PAIP2B: variants seen among roughly 807,000 people sequenced by gnomAD.
PAIP2B encodes poly(A) binding protein interacting protein 2B, also known as polyadenylate-binding protein-interacting protein 2B.
Under a neutral mutation model 17.0 loss-of-function variants are expected in PAIP2B, and 13 were observed. That is an observed-to-expected ratio of 0.76 (90% CI 0.50 to 1.22). PAIP2B has a LOEUF of 1.22. PAIP2B is among the 50% of genes most tolerant of loss of function. The probability of loss-of-function intolerance (pLI) is 0.00; values close to 1 mark genes in which losing one functional copy is unlikely to be tolerated. For missense variants in PAIP2B, 117 were observed against 144.5 expected (o/e 0.81, Z 0.98); for synonymous variants, 43 against 48.7 (o/e 0.88, Z 0.48).
At chr2:71,224,294 G>A (rs1320513019) in intron 1 of PAIP2B, among the ~76,000 whole-genome samples, 1 of 152,162 alleles carries the variant, frequency 6.6e-6, no homozygotes, top group Non-Finnish European at 1.5e-5. Context: ...CTACCAGGAT[G>A]AGTTGTTTTT....
rs1003500313 is a variant in PAIP2B at position 71,184,383 on chromosome 2, C to G, written c.*4096G>C. On this transcript the variant is annotated 3_prime_UTR_variant, in exon 4 of 4. Coordinates refer to ENST00000244221, the MANE Select transcript of PAIP2B (RefSeq NM_020459.1). ...ATCCAGCTATTCTATTGCCACGATG[C>G]CTCTAAAAACCAGACTGACTGGGAA... The G allele has an allele frequency of 1.3e-5, 2 of 152,110 alleles. No individual in the cohort carries two copies. Among genetic ancestry groups the G allele is most frequent in the African/African-American group, 2.4e-5 (1 of 41,420 alleles). The allele number at this position is 152,110 out of a possible 1,614,324, so 9.4% of individuals were successfully genotyped here.
chr2:71,188,720 C>T (rs1041628118), intron 3 of PAIP2B, among the ~76,000 whole-genome samples, 185 bp from the exon 4 acceptor site: 2 of 152,228 alleles, frequency 1.3e-5, no homozygotes, highest in Non-Finnish European at 2.9e-5. Context: ...CTCATCTTCT[C>T]CTTCCTTCTT....
chr2:71,202,715 T>A, intron 1 of PAIP2B, 115 bp from the exon 2 acceptor site: 2 of 898,690 alleles, frequency 2.2e-6, no homozygotes, highest in Non-Finnish European at 3.3e-6. Context: ...AGATTTTAAC[T>A]ATAGATAAAC....
At chr2:71,198,532 A>G (rs13023079) in intron 2 of PAIP2B, among the ~76,000 whole-genome samples, 10,084 of 151,772 alleles carry the variant, frequency 0.066, 372 homozygotes, top group African/African-American at 0.092. Context: ...TGATCCGCCC[A>G]CCTCGGCCTC....
At position 71,221,225 on chromosome 2, in the gene PAIP2B, T is replaced by C. The variant is rs78862989; in HGVS notation, c.-12+5703A>G. On this transcript the variant is annotated intron_variant, in intron 1 of 3. Coordinates refer to ENST00000244221, the MANE Select transcript of PAIP2B (RefSeq NM_020459.1). Reference sequence around the variant, plus strand: ...CATAGTTTTTCCTCTAGATGATTTTTAATTTTTGTTTTTATTTGTTCTTTG... The same window carrying C: ...CATAGTTTTTCCTCTAGATGATTTTCAATTTTTGTTTTTATTTGTTCTTTG... Among the ~76,000 whole-genome samples, 644 of 152,376 alleles carry C rather than the reference T, an allele frequency of 4.2e-3. 2 individuals carry two copies. The highest frequency in any genetic ancestry group is 0.015 in the African/African-American group (613 of 41,592).
chr2:71,198,454 T>G (rs1284886733), intron 2 of PAIP2B, among the ~76,000 whole-genome samples: 2 of 151,438 alleles, frequency 1.3e-5, no homozygotes, highest in African/African-American at 2.4e-5. Flanking sequence ...CCCGGCTAAT[T>G]TTTTGTATTT....
At position 71,185,528 on chromosome 2, in the gene PAIP2B, A is replaced by G. The variant is rs1422349321; in HGVS notation, c.*2951T>C. On this transcript the variant is annotated 3_prime_UTR_variant, in exon 4 of 4. Transcript: ENST00000244221. Reference sequence around the variant, plus strand: ...TGCTGCAGTGAGCTATGGTCATACCACTGCACTCCAGCCTGGGTGACAGAG... The same window carrying G: ...TGCTGCAGTGAGCTATGGTCATACCGCTGCACTCCAGCCTGGGTGACAGAG... 1 of 150,886 alleles carries G rather than the reference A, an allele frequency of 6.6e-6. No homozygotes were observed. Among genetic ancestry groups the G allele is most frequent in the Non-Finnish European group, 1.5e-5 (1 of 67,880 alleles). The allele number at this position is 150,886 out of a possible 1,614,324, so 9.3% of individuals were successfully genotyped here.
chr2:71,207,081 C>T (rs1675150936), intron 1 of PAIP2B, among the ~76,000 whole-genome samples: 1 of 152,134 alleles, frequency 6.6e-6, no homozygotes, highest in East Asian at 1.9e-4. Flanking sequence ...TGATAGGGTA[C>T]ACAGCCCTTG....
chr2:71,225,587 G>T (rs1675700118), intron 1 of PAIP2B, among the ~76,000 whole-genome samples: 1 of 152,194 alleles, frequency 6.6e-6, no homozygotes, highest in African/African-American at 2.4e-5. Context: ...GAGCCTATCA[G>T]TCTTACCCCA....
chr2:71,197,413 G>A (rs951515022), intron 2 of PAIP2B, among the ~76,000 whole-genome samples: 8 of 152,144 alleles, frequency 5.3e-5, no homozygotes, highest in Non-Finnish European at 4.4e-5. Flanking sequence ...CTCTTTGTAG[G>A]TGACCTACCC....
chr2:71,204,831 G>A (rs1030306943), intron 1 of PAIP2B, among the ~76,000 whole-genome samples: 1 of 152,146 alleles, frequency 6.6e-6, no homozygotes, highest in African/African-American at 2.4e-5. Flanking sequence ...GACTCTTAAA[G>A]GTCCTGAACC....
At chr2:71,204,972 T>TAA (rs200293400) in intron 1 of PAIP2B, among the ~76,000 whole-genome samples, 1 of 150,378 alleles carries the variant, frequency 6.6e-6, no homozygotes, top group Non-Finnish European at 1.5e-5. Context: ...TTCAGTTTTT[T>TAA]TAAAAAAAAT....
At chr2:71,204,252 C>G (rs1675065820) in intron 1 of PAIP2B, among the ~76,000 whole-genome samples, 1 of 152,158 alleles carries the variant, frequency 6.6e-6, no homozygotes, top group African/African-American at 2.4e-5. Flanking sequence ...GACTCCATCT[C>G]TACCCCGACT....
chr2:71,198,565 G>A (rs980421154), intron 2 of PAIP2B, among the ~76,000 whole-genome samples: 1 of 152,098 alleles, frequency 6.6e-6, no homozygotes, highest in Admixed American at 6.6e-5. Flanking sequence ...GATTACAGGC[G>A]TGAGCCACCG....
intron 1 of PAIP2B, among the ~76,000 whole-genome samples, chr2:71,212,003 G>A (rs1675314090): frequency 6.6e-6 from 1 of 152,124 alleles, no homozygotes. Context: ...ATTAGCATAT[G>A]GTCCTTGACT....
chr2:71,199,136 C>A (rs1456910143), intron 2 of PAIP2B, among the ~76,000 whole-genome samples: 1 of 152,100 alleles, frequency 6.6e-6, no homozygotes, highest in Non-Finnish European at 1.5e-5. Context: ...TTTCTATCTT[C>A]ATTATTTTGT....
At chr2:71,218,256 G>C (rs1012241551) in intron 1 of PAIP2B, among the ~76,000 whole-genome samples, 3 of 151,946 alleles carry the variant, frequency 2.0e-5, no homozygotes, top group Admixed American at 2.0e-4. Context: ...TAAAAGGTTT[G>C]TATCCCTAGC....
chr2:71,209,584 C>T (rs1476800159), intron 1 of PAIP2B, among the ~76,000 whole-genome samples: 1 of 152,176 alleles, frequency 6.6e-6, no homozygotes, highest in African/African-American at 2.4e-5. Flanking sequence ...AACATCCTTA[C>T]TCCATGGTAG....
At chr2:71,220,404 C>T (rs1203246057) in intron 1 of PAIP2B, among the ~76,000 whole-genome samples, 2 of 152,196 alleles carry the variant, frequency 1.3e-5, no homozygotes, top group Non-Finnish European at 2.9e-5. Context: ...CATGTATATG[C>T]ATAGAAAGTA....
Sources: gnomAD v4.1 joint callset for allele counts (sites outside exome capture counted in the v4.1 genomes callset) on GRCh38, gnomAD v4.1.1 for gene constraint, MANE v1.5 for transcripts, NCBI Gene and HGNC (gene_info 2026-07-23, HGNC 2026-07-21) for gene names.